The following ILRUN variants were observed in gnomAD, a reference collection of about 807,000 sequenced individuals.
ILRUN encodes inflammation and lipid regulator with UBA-like and NBR1-like domains.
In ILRUN, 3 loss-of-function variants were observed where a neutral mutation model predicts 33.8. That is an observed-to-expected ratio of 0.09 (90% confidence interval 0.04 to 0.23). ILRUN has a LOEUF of 0.23. Ranked by LOEUF, ILRUN falls within the 10% of genes least tolerant of loss-of-function variation. ILRUN has a pLI of 1.00. For missense variants in ILRUN, 210 were observed against 375.1 expected (o/e 0.56, Z 3.64); for synonymous variants, 124 against 138.9 (o/e 0.89, Z 0.75).
chr6:34,664,171 G>A (rs1185737733), intron 1 of ILRUN, among the ~76,000 whole-genome samples: 1 of 152,186 alleles, frequency 6.6e-6, no homozygotes, highest in Non-Finnish European at 1.5e-5. Context: ...ATAAATGTGT[G>A]CGTTTTTAAG....
chr6:34,665,745 GA>G (rs1259897123), intron 1 of ILRUN, among the ~76,000 whole-genome samples: 1 of 151,764 alleles, frequency 6.6e-6, no homozygotes, highest in African/African-American at 2.4e-5. Context: ...TATTAAAAAG[GA>G]AAAAAATGCC....
At chr6:34,683,431 T>TATATAC (rs71305437) in intron 1 of ILRUN, among the ~76,000 whole-genome samples, 2 of 46,418 alleles carry the variant, frequency 4.3e-5, no homozygotes, top group African/African-American at 3.3e-4. Context: ...TATATATACA[T>TATATAC]ATATATATAC....
intron 4 of ILRUN, among the ~76,000 whole-genome samples, chr6:34,591,725 G>A (rs942243699): frequency 1.3e-5 from 2 of 152,014 alleles, no homozygotes; most frequent in Non-Finnish European, 2.9e-5. Flanking sequence ...TCCTGACCTC[G>A]TGATCCGCCT....
At position 34,637,857 on chromosome 6, in the gene ILRUN, GC is replaced by G. The variant is rs1562012587; in HGVS notation, c.511+8743del. 5.8e-4 allele frequency among the ~76,000 whole-genome samples: 78 copies of G among 134,280 alleles called. No individual in the cohort carries two copies. The East Asian group carries it at 0.015, about 26-fold the overall frequency. 88.1% of individuals were successfully genotyped at this position (134,280 alleles called of 152,430 possible). On this transcript the variant is annotated intron_variant, in intron 3 of 4. Coordinates refer to ENST00000374023, the MANE Select transcript of ILRUN (RefSeq NM_024294.4). Reference sequence around the variant, plus strand: ...TGCTGTTGTTGTTGCTGCTGCTGCTGCTGCTGCTGTTGTTGTTGTTGTTGTT... The same window carrying G: ...TGCTGTTGTTGTTGCTGCTGCTGCTGTGCTGCTGTTGTTGTTGTTGTTGTT...
chr6:34,596,661 T>C (rs569002209), intron 4 of ILRUN, among the ~76,000 whole-genome samples: 24 of 152,240 alleles, frequency 1.6e-4, no homozygotes, highest in Admixed American at 5.9e-4. Flanking sequence ...CAAAGATGTA[T>C]TTGATGCACT....
At chr6:34,598,706 G>A (rs1761451077) in intron 4 of ILRUN, among the ~76,000 whole-genome samples, 1 of 152,214 alleles carries the variant, frequency 6.6e-6, no homozygotes, top group South Asian at 2.1e-4. Context: ...AAAGTTCCTG[G>A]AGATACTTTT....
Position 34,592,337 on chromosome 6 carries a change from C to T in ILRUN, c.862-1737G>A, listed in dbSNP as rs1761310221. Among the ~76,000 whole-genome samples, 1 of 152,248 alleles carries T rather than the reference C, an allele frequency of 6.6e-6. No individual in the cohort carries two copies. The highest frequency in any genetic ancestry group is 2.4e-5 in the African/African-American group (1 of 41,464). On this transcript the variant is annotated intron_variant, in intron 4 of 4. Coordinates refer to ENST00000374023, the MANE Select transcript of ILRUN (RefSeq NM_024294.4). The surrounding 1 kb of genome is among the most constrained non-coding windows in gnomAD (Gnocchi z 4.0). Reference sequence around the variant, plus strand: ...TGAGGCAACCTGATTAAGGGAGCAGCACTGGTGAGGGAAGCAACTGGCATT... The same window carrying T: ...TGAGGCAACCTGATTAAGGGAGCAGTACTGGTGAGGGAAGCAACTGGCATT...
At position 34,683,506 on chromosome 6, in the gene ILRUN, A is replaced by ACG. The variant is rs1490528143; in HGVS notation, c.158+12939_158+12940insCG. On this transcript the variant is annotated intron_variant, in intron 1 of 4. Transcript: ENST00000374023. ...TATATACATATATATATACATATATATATATATACATATATATATATACAT... is the reference window on the plus strand; with the variant it reads ...TATATACATATATATATACATATATACGTATATATACATATATATATATACAT... Among the ~76,000 whole-genome samples, 197 of 100,924 alleles carry ACG rather than the reference A, an allele frequency of 2.0e-3. 6 individuals are homozygous for ACG. The highest frequency in any genetic ancestry group is 0.01 in the African/African-American group (175 of 17,386). 66.2% of individuals were successfully genotyped at this position (100,924 alleles called of 152,430 possible). A position where few individuals can be genotyped will look rare whatever the true frequency, so the allele number is the denominator to read the frequency against.
intron 1 of ILRUN, among the ~76,000 whole-genome samples, chr6:34,670,077 A>G (rs1478787994): frequency 1.3e-5 from 2 of 152,052 alleles, no homozygotes; most frequent in African/African-American, 2.4e-5. Flanking sequence ...ACACCCAGCT[A>G]ATTTTTTGTA....
At chr6:34,682,163 C>T (rs1021724885) in intron 1 of ILRUN, among the ~76,000 whole-genome samples, 4 of 150,888 alleles carry the variant, frequency 2.7e-5, no homozygotes, top group Non-Finnish European at 5.9e-5. Flanking sequence ...TGAGCCACCA[C>T]GCCCAGCCTT....
At chr6:34,652,055 GTGC>G (rs1205303370) in intron 2 of ILRUN, among the ~76,000 whole-genome samples, 2 of 152,092 alleles carry the variant, frequency 1.3e-5, no homozygotes, top group Middle Eastern at 3.2e-3. Flanking sequence ...GCCTCCCAAA[GTGC>G]TGGGATTACA....
chr6:34,626,611 C>T (rs1202786845), intron 3 of ILRUN, among the ~76,000 whole-genome samples: 1 of 152,198 alleles, frequency 6.6e-6, no homozygotes, highest in Non-Finnish European at 1.5e-5. Context: ...CCAACACTGA[C>T]ACACCATTAT....
At position 34,587,980 on chromosome 6, in the gene ILRUN, G is replaced by T; in HGVS notation, c.*2585C>A. 1 of 398,018 alleles carries T rather than the reference G, an allele frequency of 2.5e-6. No individual in the cohort carries two copies. Among genetic ancestry groups the T allele is most frequent in the South Asian group, 1.4e-4 (1 of 7,290 alleles). The allele number at this position is 398,018 out of a possible 1,614,324, so 24.7% of individuals were successfully genotyped here. A position where few individuals can be genotyped will look rare whatever the true frequency, so the allele number is the denominator to read the frequency against. The stretch of plus-strand genomic sequence containing the variant: ...TGCCACTTGGTGAAGATTCTAAGAG[G>T]AGCAGGGACTATTGGGGCTGAGAGG... On this transcript the variant is annotated 3_prime_UTR_variant, in exon 5 of 5. Coordinates refer to ENST00000374023, the MANE Select transcript of ILRUN (RefSeq NM_024294.4).
chr6:34,689,673 A>T (rs1267524209), intron 1 of ILRUN, among the ~76,000 whole-genome samples: 1 of 152,032 alleles, frequency 6.6e-6, no homozygotes, highest in East Asian at 1.9e-4. Flanking sequence ...AAATGGATTA[A>T]CAGGCAAAGA....
In ILRUN at chr6:34,634,497, A is replaced by C. The variant is rs562503966; in HGVS notation, c.511+12104T>G. On this transcript the variant is annotated intron_variant, in intron 3 of 4. Coordinates refer to ENST00000374023, the MANE Select transcript of ILRUN (RefSeq NM_024294.4). ...AGAAATCCATAAAATTGAACACAGA[A>C]TAGAGAAAAACCAATGAAACCAGAA... Among the ~76,000 whole-genome samples the C allele has an allele frequency of 3.3e-5, 5 of 152,244 alleles. No homozygotes were observed. The East Asian group carries it at 7.7e-4, about 23-fold the overall frequency.
intron 3 of ILRUN, among the ~76,000 whole-genome samples, chr6:34,622,697 C>T (rs771033521): frequency 2.0e-4 from 31 of 152,176 alleles, no homozygotes; most frequent in Admixed American, 5.2e-4. Flanking sequence ...TACGATTCCA[C>T]AAAAAATTGA....
intron 1 of ILRUN, among the ~76,000 whole-genome samples, chr6:34,689,242 G>A (rs925086194): frequency 6.6e-6 from 1 of 151,818 alleles, no homozygotes; most frequent in Non-Finnish European, 1.5e-5. Context: ...GCTGAGGTGG[G>A]AGAATCACTT....
At chr6:34,632,811 C>A (rs772969479) in intron 3 of ILRUN, among the ~76,000 whole-genome samples, 2 of 152,088 alleles carry the variant, frequency 1.3e-5, no homozygotes, top group Non-Finnish European at 2.9e-5. Flanking sequence ...GCGTGAGCCA[C>A]CACGCCCGGC....
In ILRUN at chr6:34,592,218, A is replaced by T. The variant is rs1050750062; in HGVS notation, c.862-1618T>A. ...ACAGGCCAATACCAATGGGGCATCC[A>T]CTACGTGCCAGGTGCTGCAGTAGCA... On this transcript the variant is annotated intron_variant, in intron 4 of 4. Coordinates refer to ENST00000374023, the MANE Select transcript of ILRUN (RefSeq NM_024294.4). This position sits in a 1 kb window ranked among gnomAD's most constrained non-coding sequence, Gnocchi z 4.0. Among the ~76,000 whole-genome samples, 1 of 152,254 alleles carries T rather than the reference A, an allele frequency of 6.6e-6. No homozygotes were observed. Among genetic ancestry groups the T allele is most frequent in the Non-Finnish European group, 1.5e-5 (1 of 68,046 alleles).
Sources: gnomAD v4.1 joint callset for allele counts (sites outside exome capture counted in the v4.1 genomes callset) on GRCh38, gnomAD v4.1.1 for gene constraint, Gnocchi (gnomAD v3.1) non-coding constraint, MANE v1.5 for transcripts, NCBI Gene and HGNC (gene_info 2026-07-23, HGNC 2026-07-21) for gene names.